Variants in ZNF536 observed in about 807,000 individuals in gnomAD.
ZNF536 encodes the protein zinc finger protein 536.
Under a neutral mutation model 84.5 loss-of-function variants are expected in ZNF536, and 13 were observed. The ratio of observed to expected loss-of-function variants is 0.15; its 90% confidence interval spans 0.10 to 0.24. The LOEUF is 0.24. Ranked by LOEUF, ZNF536 falls within the 10% of genes least tolerant of loss-of-function variation. The probability of loss-of-function intolerance (pLI) is 1.00; values close to 1 mark genes in which losing one functional copy is unlikely to be tolerated. For synonymous variants in ZNF536, 811 were observed against 742.5 expected (o/e 1.09, Z -1.50); for missense variants, 1,536 against 1,747.5 (o/e 0.88, Z 2.16).
chr19:30,372,929 A>G (rs1384285998), intron 1 of ZNF536, among the ~76,000 whole-genome samples: 1 of 151,614 alleles, frequency 6.6e-6, no homozygotes, highest in Non-Finnish European at 1.5e-5. Context: ...AGTAACTTTC[A>G]GACTCCCTGG....
chr19:30,641,357 T>C (rs145232639), intron 1 of ZNF536, among the ~76,000 whole-genome samples: 1 of 152,356 alleles, frequency 6.6e-6, no homozygotes, highest in African/African-American at 2.4e-5. Context: ...TTATCTCCTT[T>C]CAGCTTTCTT....
chr19:30,305,829 G>A (rs1408997148), intron 2 of ZNF536, among the ~76,000 whole-genome samples: 1 of 152,212 alleles, frequency 6.6e-6, no homozygotes, highest in Non-Finnish European at 1.5e-5. Context: ...TCGGCAGGAG[G>A]GGCCAGCGTG....
At chr19:30,469,982 C>G (rs1000372499) in intron 2 of ZNF536, among the ~76,000 whole-genome samples, 3 of 152,206 alleles carry the variant, frequency 2.0e-5, no homozygotes, top group Non-Finnish European at 4.4e-5. Context: ...CAACAGTGGT[C>G]TCCAGGGGGA....
At chr19:30,697,381 A>T (rs2051705762) in intron 1 of ZNF536, among the ~76,000 whole-genome samples, 1 of 152,216 alleles carries the variant, frequency 6.6e-6, no homozygotes, top group Non-Finnish European at 1.5e-5. Flanking sequence ...CAAAATGCAC[A>T]TCTCCCATTT....
intron 2 of ZNF536, among the ~76,000 whole-genome samples, chr19:30,351,000 G>T (rs1351442336): frequency 6.6e-6 from 1 of 152,100 alleles, no homozygotes; most frequent in Non-Finnish European, 1.5e-5. Flanking sequence ...TGGACAAAAG[G>T]CTATTTAATA....
At chr19:30,460,032 C>G (rs2053060592) in intron 2 of ZNF536, among the ~76,000 whole-genome samples, 1 of 152,176 alleles carries the variant, frequency 6.6e-6, no homozygotes, top group Non-Finnish European at 1.5e-5. Flanking sequence ...ATGGACTTAC[C>G]TCATAGTAGC....
intron 2 of ZNF536, among the ~76,000 whole-genome samples, chr19:30,512,791 A>C (rs114798778): frequency 6.6e-6 from 1 of 152,360 alleles, no homozygotes; most frequent in African/African-American, 2.4e-5. Flanking sequence ...TTGGTTAATA[A>C]ATTCTGCAAG....
intron 2 of ZNF536, among the ~76,000 whole-genome samples, chr19:30,526,150 G>A (rs1402146068): frequency 6.6e-6 from 1 of 152,200 alleles, no homozygotes; most frequent in African/African-American, 2.4e-5. Flanking sequence ...CAGGTGTGCA[G>A]AGCCCAAAGA....
intron 2 of ZNF536, among the ~76,000 whole-genome samples, chr19:30,474,460 T>A (rs2053766663): frequency 6.6e-6 from 1 of 151,986 alleles, no homozygotes; most frequent in South Asian, 2.1e-4. Context: ...CCCGCCCTTT[T>A]CCCCACCTCC....
intron 1 of ZNF536, among the ~76,000 whole-genome samples, chr19:30,587,175 C>T (rs943400143): frequency 6.6e-6 from 1 of 152,144 alleles, no homozygotes; most frequent in African/African-American, 2.4e-5. Context: ...AGCAGAAATC[C>T]AATTGCAAAG....
chr19:30,315,511 G>A (rs765613439), intron 2 of ZNF536, among the ~76,000 whole-genome samples: 16 of 152,184 alleles, frequency 1.1e-4, no homozygotes, highest in East Asian at 1.9e-4. Context: ...ACAGGGGCCC[G>A]ATAGGAAGGT....
At chr19:30,289,497 C>T (rs998163335) in intron 2 of ZNF536, among the ~76,000 whole-genome samples, 1 of 152,190 alleles carries the variant, frequency 6.6e-6, no homozygotes, top group Non-Finnish European at 1.5e-5. Context: ...CCGGACCACC[C>T]CGGGGGCCCC....
chr19:30,425,364 C>T (rs1192660235), intron 1 of ZNF536, among the ~76,000 whole-genome samples: 1 of 152,106 alleles, frequency 6.6e-6, no homozygotes, highest in Admixed American at 6.6e-5. Context: ...TGTTTATCAG[C>T]CAGGACTCCT....
At chr19:30,266,751 T>G (rs1462930994) in intron 1 of ZNF536, among the ~76,000 whole-genome samples, 1 of 152,212 alleles carries the variant, frequency 6.6e-6, no homozygotes, top group Non-Finnish European at 1.5e-5. Flanking sequence ...TGATATTGGC[T>G]GGCAGAACTT....
rs577544013 is a variant in ZNF536, at chr19:30,607,019, G to A, written c.169+57505G>A. ...GCTGGCTCTCACGACCCCAGGCCAT[G>A]CCATTGTACCAACCTGGCTATCTCT... On this transcript the variant is annotated intron_variant, in intron 1 of 1. Coordinates refer to the ZNF536 transcript ENST00000592773. Among the ~76,000 whole-genome samples the A allele has an allele frequency of 1.3e-4, 20 of 152,280 alleles. 1 individual carries two copies. The East Asian group carries it at 3.3e-3, about 25-fold the overall frequency.
intron 2 of ZNF536, among the ~76,000 whole-genome samples, chr19:30,348,302 G>A (rs1478902110): frequency 6.6e-6 from 1 of 152,136 alleles, no homozygotes; most frequent in Non-Finnish European, 1.5e-5. Context: ...TAGATTCTGG[G>A]CATCTTTCAT....
chr19:30,607,638 C>G (rs1043343441), intron 1 of ZNF536, among the ~76,000 whole-genome samples: 46 of 150,542 alleles, frequency 3.1e-4, no homozygotes, highest in Non-Finnish European at 1.6e-4. Context: ...AGGAGAATCA[C>G]TTGAACCTGG....
At position 30,279,085 on chromosome 19, in the gene ZNF536, C is replaced by T. The variant is rs144027379; in HGVS notation, c.-189-4987C>T. ...CACTTGCTGTTCACTCTTCCTGTAC[C>T]GCCGTTGCCCGCATTCTCGCAGGGC... On this transcript the variant is annotated intron_variant, in intron 1 of 5. Transcript: ENST00000585628. Among the ~76,000 whole-genome samples the T allele has an allele frequency of 4.3e-3, 650 of 152,306 alleles. 2 individuals are homozygous for T. In the Middle Eastern group the frequency reaches 0.051, roughly 12 times the overall value.
chr19:30,381,081 T>A (rs1253417694), intron 1 of ZNF536, among the ~76,000 whole-genome samples: 1 of 152,146 alleles, frequency 6.6e-6, no homozygotes, highest in Non-Finnish European at 1.5e-5. Context: ...TCTTGCTATG[T>A]TGCCCAAGTT....
Sources: gnomAD v4.1 joint callset for allele counts (sites outside exome capture counted in the v4.1 genomes callset) on GRCh38, gnomAD v4.1.1 for gene constraint, MANE v1.5 for transcripts, NCBI Gene and HGNC (gene_info 2026-07-23, HGNC 2026-07-21) for gene names.